The following FHOD3 variants were observed in gnomAD, a reference collection of about 807,000 sequenced individuals.
FHOD3 encodes the protein FH1/FH2 domain-containing protein 3.
A neutral mutation model predicts 173.0 loss-of-function variants in FHOD3; 90 were observed. The ratio of observed to expected loss-of-function variants is 0.52; its 90% CI spans 0.44 to 0.62. The LOEUF is 0.62. Ranked by LOEUF, FHOD3 falls within the 20% of genes least tolerant of loss-of-function variation. The probability of loss-of-function intolerance (pLI) is 0.00; values close to 1 mark genes in which losing one functional copy is unlikely to be tolerated. For synonymous variants in FHOD3, 828 were observed against 823.0 expected (o/e 1.01, Z -0.10); for missense variants, 1,945 against 2,034.7 (o/e 0.96, Z 0.85).
intron 14 of FHOD3, among the ~76,000 whole-genome samples, chr18:36,671,191 C>G (rs2037511097): frequency 6.6e-6 from 1 of 152,258 alleles, no homozygotes; most frequent in Non-Finnish European, 1.5e-5. Context: ...GTATGTTACC[C>G]TGCCAGTGTT....
rs548031688 is a variant in FHOD3 at position 36,750,479 on chromosome 18, CTTAAA to C, written c.4232+3347_4232+3351del. ...TAGTTTCTTTTGCTGTGCAGAACTT[CTTAAA>C]TTTAATTAGATCCCATTTGTCAATT... On this transcript the variant is annotated intron_variant, in intron 24 of 28. Transcript: ENST00000590592. 2.5e-3 allele frequency among the ~76,000 whole-genome samples: 377 copies of C among 152,294 alleles called. 2 individuals are homozygous for C. Among genetic ancestry groups the C allele is most frequent in the African/African-American group, 8.8e-3 (365 of 41,566 alleles).
chr18:36,417,078 C>G (rs533376182), intron 3 of FHOD3, among the ~76,000 whole-genome samples: 63 of 152,178 alleles, frequency 4.1e-4, no homozygotes, highest in Admixed American at 1.8e-3. Context: ...TTAAATTTAA[C>G]TTTTAAGTTC....
chr18:36,366,738 C>T (rs1286844201), intron 2 of FHOD3, among the ~76,000 whole-genome samples: 1 of 152,188 alleles, frequency 6.6e-6, no homozygotes, highest in Non-Finnish European at 1.5e-5. Flanking sequence ...TTCAAATCCT[C>T]CTCCATCTCT....
chr18:36,451,808 C>T (rs1286787683), intron 3 of FHOD3, among the ~76,000 whole-genome samples: 1 of 152,116 alleles, frequency 6.6e-6, no homozygotes, highest in Non-Finnish European at 1.5e-5. Flanking sequence ...GCGTGGAGCT[C>T]CTGTTTGTCC....
At chr18:36,365,846 T>A (rs1160650508) in intron 2 of FHOD3, among the ~76,000 whole-genome samples, 3 of 152,170 alleles carry the variant, frequency 2.0e-5, no homozygotes, top group African/African-American at 7.2e-5. Context: ...CTGCCTCATG[T>A]CTTGTTGAAG....
At chr18:36,387,259 G>A (rs1236944192) in intron 3 of FHOD3, among the ~76,000 whole-genome samples, 2 of 152,076 alleles carry the variant, frequency 1.3e-5, no homozygotes, top group African/African-American at 4.8e-5. Context: ...GCTAGATTTG[G>A]GACATGACAC....
chr18:36,601,677 T>C (rs1349678891), intron 7 of FHOD3, among the ~76,000 whole-genome samples: 1 of 152,226 alleles, frequency 6.6e-6, no homozygotes, highest in Non-Finnish European at 1.5e-5. Context: ...CAAGTTTACT[T>C]TTCTCAAGTA....
chr18:36,530,424 T>C (rs1482709805), intron 5 of FHOD3, among the ~76,000 whole-genome samples: 1 of 152,150 alleles, frequency 6.6e-6, no homozygotes, highest in Non-Finnish European at 1.5e-5. Flanking sequence ...ATCTATTAAA[T>C]TGAGTGTCCC....
At chr18:36,326,484 A>C (rs1339969103) in intron 1 of FHOD3, among the ~76,000 whole-genome samples, 1 of 152,196 alleles carries the variant, frequency 6.6e-6, no homozygotes, top group Non-Finnish European at 1.5e-5. Context: ...AAAGTACTTC[A>C]GGTCAGGCGC....
intron 1 of FHOD3, among the ~76,000 whole-genome samples, chr18:36,322,433 C>T (rs551645704): frequency 6.6e-6 from 1 of 152,182 alleles, no homozygotes; most frequent in East Asian, 1.9e-4. Flanking sequence ...AGGTAAGGCC[C>T]CTTCTGTTGT....
chr18:36,335,488 C>T (rs1246779657), intron 1 of FHOD3, among the ~76,000 whole-genome samples: 1 of 141,390 alleles, frequency 7.1e-6, no homozygotes, highest in East Asian at 1.9e-4. Context: ...GAGCGAGACT[C>T]CGTCTAAAAA....
At chr18:36,331,257 G>GGGTTTTA (rs1290086541) in intron 1 of FHOD3, among the ~76,000 whole-genome samples, 1 of 152,180 alleles carries the variant, frequency 6.6e-6, no homozygotes, top group African/African-American at 2.4e-5. Context: ...TTCAAGAGGG[G>GGGTTTTA]GGTTTTAGTC....
chr18:36,735,125 G>T (rs2041565960), intron 20 of FHOD3, among the ~76,000 whole-genome samples: 1 of 152,102 alleles, frequency 6.6e-6, no homozygotes, highest in Non-Finnish European at 1.5e-5. Context: ...TATAGAGTCT[G>T]TGTCTACTCA....
At chr18:36,584,371 A>G (rs2058956621) in intron 6 of FHOD3, among the ~76,000 whole-genome samples, 1 of 152,222 alleles carries the variant, frequency 6.6e-6, no homozygotes, top group African/African-American at 2.4e-5. Context: ...ACATCTTTCC[A>G]GCTGGAAGCC....
chr18:36,353,064 C>CTG (rs376261459), intron 1 of FHOD3, among the ~76,000 whole-genome samples: 58 of 152,336 alleles, frequency 3.8e-4, no homozygotes, highest in African/African-American at 1.3e-3. Flanking sequence ...GAGGCAGCTC[C>CTG]TGTGTGTTTC....
intron 1 of FHOD3, among the ~76,000 whole-genome samples, chr18:36,351,846 A>C (rs1334985587): frequency 1.3e-5 from 2 of 152,252 alleles, no homozygotes; most frequent in African/African-American, 4.8e-5. Context: ...AATGATATGC[A>C]AAATAGCCCA....
intron 1 of FHOD3, among the ~76,000 whole-genome samples, chr18:36,316,873 G>GCC (rs534719802): frequency 4.8e-4 from 71 of 147,642 alleles, no homozygotes; most frequent in African/African-American, 1.7e-3. Context: ...CCCTCCCACA[G>GCC]CCCCCCCACC....
At chr18:36,394,619 A>G (rs2048461129) in intron 3 of FHOD3, among the ~76,000 whole-genome samples, 1 of 152,206 alleles carries the variant, frequency 6.6e-6, no homozygotes. Flanking sequence ...CTGGAACCCA[A>G]GGAGGCTTCT....
intron 3 of FHOD3, among the ~76,000 whole-genome samples, chr18:36,447,247 A>G (rs1291574583): frequency 6.6e-6 from 1 of 152,110 alleles, no homozygotes; most frequent in African/African-American, 2.4e-5. Context: ...TTTGTGTAAA[A>G]ATGATGTTCT....
Sources: gnomAD v4.1 joint callset for allele counts (sites outside exome capture counted in the v4.1 genomes callset) on GRCh38, gnomAD v4.1.1 for gene constraint, MANE v1.5 for transcripts, NCBI Gene and HGNC (gene_info 2026-07-23, HGNC 2026-07-21) for gene names.